NFATC1: variants seen among roughly 807,000 people sequenced by gnomAD.
The protein encoded by NFATC1 is nuclear factor of activated T cells 1, also known as nuclear factor of activated T-cells, cytoplasmic 1.
NFATC1 carries 22 observed loss-of-function variants against 76.0 expected under a neutral mutation model. That is an observed-to-expected ratio of 0.29 (90% confidence interval 0.21 to 0.41). The LOEUF (loss-of-function observed/expected upper bound fraction) is 0.41. NFATC1 is among the 10% of genes least tolerant of loss of function. NFATC1 has a pLI of 1.00. For synonymous variants in NFATC1, 704 were observed against 613.1 expected, an observed-to-expected ratio of 1.15 and a Z score of -2.19; for missense variants, 1,357 against 1,337.7, an observed-to-expected ratio of 1.01 and a Z score of -0.23.
At chr18:79,494,170 G>C (rs1170705490) in intron 9 of NFATC1, among the ~76,000 whole-genome samples, 1 of 152,244 alleles carries the variant, frequency 6.6e-6, no homozygotes, top group Non-Finnish European at 1.5e-5. Context: ...GTCTCAGCCA[G>C]CGACCGCGAG....
In NFATC1 at chr18:79,528,215, C is replaced by T. The variant is rs959622608; in HGVS notation, c.*638C>T. ...TTTTGTAACATGCTTCCCTTGTCTGCGCGGTTGAAACCGTAGGCTTGTTCA... is the reference window on the plus strand; with the variant it reads ...TTTTGTAACATGCTTCCCTTGTCTGTGCGGTTGAAACCGTAGGCTTGTTCA... On this transcript the variant is annotated 3_prime_UTR_variant, in exon 10 of 10. Transcript: ENST00000427363. 1 of 334,566 alleles carries T rather than the reference C, an allele frequency of 3.0e-6. No individual in the cohort carries two copies. 20.7% of individuals were successfully genotyped at this position (334,566 alleles called of 1,614,324 possible). A position where few individuals can be genotyped will look rare whatever the true frequency, so the allele number is the denominator to read the frequency against.
intron 3 of NFATC1, among the ~76,000 whole-genome samples, chr18:79,440,634 T>G (rs2086938137): frequency 6.6e-6 from 1 of 152,204 alleles, no homozygotes. Context: ...GACCTGGGGC[T>G]GTGACCCAGC....
At chr18:79,444,841 C>CA (rs1459062984) in intron 3 of NFATC1, among the ~76,000 whole-genome samples, 4 of 152,242 alleles carry the variant, frequency 2.6e-5, no homozygotes, top group Admixed American at 2.6e-4. Context: ...CGCCCACACT[C>CA]ACGGAGGCTT....
chr18:79,456,760 G>A (rs1313019078), intron 6 of NFATC1, among the ~76,000 whole-genome samples: 3 of 152,192 alleles, frequency 2.0e-5, no homozygotes, highest in Admixed American at 6.5e-5. Flanking sequence ...TTAGTCGTGC[G>A]GGATGTAGGC....
At chr18:79,518,565 C>T (rs1344192404) in intron 9 of NFATC1, among the ~76,000 whole-genome samples, 1 of 152,174 alleles carries the variant, frequency 6.6e-6, no homozygotes, top group Non-Finnish European at 1.5e-5. Context: ...AGTGTTTTGT[C>T]ACATCGTTCA....
At chr18:79,474,498 T>C (rs1441507074) in intron 8 of NFATC1, among the ~76,000 whole-genome samples, 2 of 147,642 alleles carry the variant, frequency 1.4e-5, no homozygotes, top group East Asian at 2.1e-4. Context: ...TCACACTCAC[T>C]GTCGACGTTG....
In NFATC1 at chr18:79,411,358, G is replaced by T; in HGVS notation, c.1083G>T (p.Pro361=). ...EPVGEDLGSP[P]PPADFAPEDY... ...TCGGGGAGGACCTGGGCAGCCCCCC[G>T]CCCCCGGCCGACTTCGCGCCCGAAG... Residue 361 remains proline, a synonymous_variant, in exon 2 of 10, where the codon CCG becomes CCT. Transcript: ENST00000427363. The T allele has an allele frequency of 6.3e-7, 1 of 1,588,682 alleles. No homozygotes were observed. The highest frequency in any genetic ancestry group is 8.5e-7 in the Non-Finnish European group (1 of 1,170,074).
rs575799298 is a variant in NFATC1, at chr18:79,507,247, C to T, written c.2783-20281C>T. Among the ~76,000 whole-genome samples the T allele has an allele frequency of 4.3e-3, 652 of 151,730 alleles. 4 individuals are homozygous for T. The highest frequency in any genetic ancestry group is 0.015 in the African/African-American group (622 of 41,570). Reference sequence around the variant, plus strand: ...ATGGCAGGAAGTAGGGCCTGGAAACCGCACGGCTCCCAGCCCTTGGCAGCA... The same window carrying T: ...ATGGCAGGAAGTAGGGCCTGGAAACTGCACGGCTCCCAGCCCTTGGCAGCA... On this transcript the variant is annotated intron_variant, in intron 9 of 9. Coordinates refer to ENST00000427363, the MANE Select transcript of NFATC1 (RefSeq NM_001278669.2).
chr18:79,461,049 G>A (rs1244720692), intron 6 of NFATC1, among the ~76,000 whole-genome samples: 1 of 152,218 alleles, frequency 6.6e-6, no homozygotes, highest in African/African-American at 2.4e-5. Flanking sequence ...ACGCCGGGCT[G>A]GGGTCAGAAC....
chr18:79,466,744 G>A (rs917731820), intron 7 of NFATC1, among the ~76,000 whole-genome samples: 14 of 152,188 alleles, frequency 9.2e-5, no homozygotes, highest in Non-Finnish European at 1.5e-4. Context: ...GAGTGAATTT[G>A]GGGTCTGACT....
At chr18:79,444,669 G>T (rs543760176) in intron 3 of NFATC1, among the ~76,000 whole-genome samples, 1 of 152,150 alleles carries the variant, frequency 6.6e-6, no homozygotes, top group East Asian at 1.9e-4. Flanking sequence ...AGGCACCCCT[G>T]TGGGCACCCA....
chr18:79,484,143 C>T (rs995933961), intron 8 of NFATC1, among the ~76,000 whole-genome samples: 3 of 152,042 alleles, frequency 2.0e-5, no homozygotes, highest in African/African-American at 7.3e-5. Flanking sequence ...CCCGTTCTCC[C>T]TCCCCTGCCC....
intron 9 of NFATC1, among the ~76,000 whole-genome samples, chr18:79,515,257 A>G (rs1040478421): frequency 6.6e-6 from 1 of 150,828 alleles, no homozygotes; most frequent in Non-Finnish European, 1.5e-5. Context: ...AGGCAGGAGA[A>G]TCGCTTGAAC....
Position 79,510,913 on chromosome 18 carries a change from G to A in NFATC1, c.2783-16615G>A, listed in dbSNP as rs1008925337. Among the ~76,000 whole-genome samples, 31 of 151,958 alleles carry A rather than the reference G, an allele frequency of 2.0e-4. 1 individual carries two copies. The highest frequency in any genetic ancestry group is 6.6e-5 in the Admixed American group (1 of 15,262). ...ATCCTCCGCCGGGACATCCTCCACC[G>A]GGGGCTCCTCCGCCGGGGCATCCTG... is the stretch of plus-strand genomic sequence containing the variant. On this transcript the variant is annotated intron_variant, in intron 9 of 9. Transcript: ENST00000427363.
chr18:79,412,684 C>T (rs1173846501), intron 2 of NFATC1, among the ~76,000 whole-genome samples: 3 of 152,188 alleles, frequency 2.0e-5, no homozygotes, highest in Non-Finnish European at 4.4e-5. Flanking sequence ...AGGCTGGGAA[C>T]GAACCCACCC....
intron 2 of NFATC1, among the ~76,000 whole-genome samples, chr18:79,427,476 ACCACTGGCCTCTGTGCGGTGGGTC>A (rs1568948202): frequency 5.1e-4 from 13 of 25,366 alleles, no homozygotes; most frequent in Admixed American, 1.1e-3. Flanking sequence ...TGGGGGCTGT[ACCACTGGCCTCTGTGCGGTGGGTC>A]GGGGGAAGCT....
chr18:79,473,905 GTGAGGGAAGCGTGTTCT>G (rs2088902023), intron 8 of NFATC1, among the ~76,000 whole-genome samples: 1 of 141,836 alleles, frequency 7.1e-6, no homozygotes. Flanking sequence ...TGTCGACGTT[GTGAGGGAAGCGTGTTCT>G]CACGCTCACT....
Position 79,396,069 on chromosome 18 carries a change from A to G in NFATC1, c.-156A>G, listed in dbSNP as rs1232687606. 132 of 912,442 alleles carry G rather than the reference A, an allele frequency of 1.4e-4. No individual in the cohort carries two copies. The highest frequency in any genetic ancestry group is 1.8e-4 in the Non-Finnish European group (129 of 725,958). 56.5% of individuals were successfully genotyped at this position (912,442 alleles called of 1,614,324 possible). A position where few individuals can be genotyped will look rare whatever the true frequency, so the allele number is the denominator to read the frequency against. On this transcript the variant is annotated 5_prime_UTR_variant, in exon 1 of 10. Coordinates refer to ENST00000427363, the MANE Select transcript of NFATC1 (RefSeq NM_001278669.2). ...CCTAGGGCCGCGGCCGGGCCCCGCC[A>G]CGCGCGCACACGCCCCTCGATGACT...
chr18:79,474,902 G>A (rs1217658872), intron 8 of NFATC1, among the ~76,000 whole-genome samples: 1 of 140,896 alleles, frequency 7.1e-6, no homozygotes, highest in Non-Finnish European at 1.5e-5. Context: ...GTAAACCTGA[G>A]GGAAGCGTGT....
Sources: gnomAD v4.1 joint callset for allele counts (sites outside exome capture counted in the v4.1 genomes callset) on GRCh38, gnomAD v4.1.1 for gene constraint, MANE v1.5 for transcripts, NCBI Gene and HGNC (gene_info 2026-07-23, HGNC 2026-07-21) for gene names.